Variants in TMEM245 observed in about 807,000 individuals in gnomAD.
The protein encoded by TMEM245 is transmembrane protein 245.
In TMEM245, 69 loss-of-function variants were observed where a neutral mutation model predicts 101.2. The ratio of observed to expected loss-of-function variants is 0.68; its 90% CI spans 0.56 to 0.83. The LOEUF is 0.83. Ranked by LOEUF, TMEM245 falls within the 40% of genes least tolerant of loss-of-function variation. The pLI, the probability that TMEM245 is intolerant of heterozygous loss-of-function variation, is 0.00. For synonymous variants in TMEM245, 537 were observed against 449.8 expected (o/e 1.19, Z -2.45); for missense variants, 1,075 against 1,092.8 (o/e 0.98, Z 0.23).
At chr9:109,065,027 C>A (rs1168692553) in intron 9 of TMEM245, among the ~76,000 whole-genome samples, 1 of 152,144 alleles carries the variant, frequency 6.6e-6, no homozygotes, top group African/African-American at 2.4e-5. Flanking sequence ...CTCAAGTGAT[C>A]CACCTGCCTC....
At chr9:109,104,044 C>A (rs1486608952) in intron 3 of TMEM245, among the ~76,000 whole-genome samples, 3 of 151,850 alleles carry the variant, frequency 2.0e-5, no homozygotes, top group Non-Finnish European at 4.4e-5. Context: ...GAGATCATGC[C>A]ACTGCACTCC....
chr9:109,119,396 A>G lies in TMEM245; in HGVS notation c.518T>C (p.Val173Ala), dbSNP rs1037810650. 3.3e-6 allele frequency: 5 copies of G among 1,528,570 alleles called. No individual in the cohort carries two copies. The African/African-American group carries it at 5.6e-5, about 17-fold the overall frequency. 94.7% of individuals were successfully genotyped at this position (1,528,570 alleles called of 1,614,324 possible). Residue 173 changes from valine (V) to alanine (A), a missense_variant, in exon 1 of 18, where the codon GTG (valine) becomes GCG (alanine). By Grantham distance (64) the Val-to-Ala change is moderately conservative. Coordinates refer to ENST00000374586, the MANE Select transcript of TMEM245 (RefSeq NM_032012.4). ...YCLGSYLGVQ[V>A]LLVHAATLIC... ...GAGCGTGGCAGCGTGCACCAGCAGC[A>G]CCTGCACGCCCAAGTAGCTGCCGAG...
chr9:109,033,405 T>G lies in TMEM245; in HGVS notation c.2496A>C (p.Ile832=), dbSNP rs1330044355. 1 of 1,614,106 alleles carries G rather than the reference T, an allele frequency of 6.2e-7. No homozygotes were observed. Among genetic ancestry groups the G allele is most frequent in the Admixed American group, 1.7e-5 (1 of 60,004 alleles). The part of the protein sequence containing the change: ...GAIIGPILLC[I]LVVASNIYSA... ...TATAGATATTGGAAGCAACCACAAG[T>G]ATGCAGAGAAGAATAGGACCGATGA... Residue 832 remains isoleucine (I), a synonymous_variant, in exon 17 of 18, where the codon ATA becomes ATC. Coordinates refer to ENST00000374586, the MANE Select transcript of TMEM245 (RefSeq NM_032012.4).
At position 109,020,440 on chromosome 9, in the gene TMEM245, T is replaced by G; in HGVS notation, c.*20A>C. On this transcript the variant is annotated 3_prime_UTR_variant, in exon 18 of 18. Transcript: ENST00000374586. The stretch of plus-strand genomic sequence containing the variant: ...GTCAAATTTGAACTTCCTAGAAAAA[T>G]CACTGCAGAGGAAACCACATCAACC... The G allele has an allele frequency of 1.2e-6, 2 of 1,613,254 alleles. No individual in the cohort carries two copies. The highest frequency in any genetic ancestry group is 1.7e-6 in the Non-Finnish European group (2 of 1,179,248).
chr9:109,073,844 CTTTTTTTTTTTG>C (rs1409638453), intron 8 of TMEM245, among the ~76,000 whole-genome samples: 2 of 121,570 alleles, frequency 1.6e-5, no homozygotes, highest in Non-Finnish European at 1.7e-5. Flanking sequence ...AAGGAACTAA[CTTTTTTTTTTTG>C]TTTTTTTTTT....
rs542799910 is a variant in TMEM245, at chr9:109,119,889, C to G, written c.25G>C (p.Asp9His). MADGGGPK[D>H]APSLRSSPGP... ...GGAGAGCTCCGCAGGCTTGGCGCGT[C>G]CTTAGGGCCGCCGCCGTCGGCCATC... The change falls in exon 1 of 18, where the codon GAC becomes CAC. Residue 9 changes from aspartate (D) to histidine (H), a missense_variant. Asp to His is a moderately conservative substitution (Grantham distance 81). Around this residue, in one of 2 missense-constraint regions of TMEM245, gnomAD observed 808 missense variants for 741.5 expected, o/e 1.09. Coordinates refer to ENST00000374586, the MANE Select transcript of TMEM245 (RefSeq NM_032012.4). 2 of 1,274,350 alleles carry G rather than the reference C, an allele frequency of 1.6e-6. No homozygotes were observed. 78.9% of individuals were successfully genotyped at this position (1,274,350 alleles called of 1,614,324 possible).
chr9:109,087,897 G>A lies in TMEM245; in HGVS notation c.1151-555C>T, dbSNP rs140236956. Among the ~76,000 whole-genome samples, 474 of 152,316 alleles carry A rather than the reference G, an allele frequency of 3.1e-3. 1 individual carries two copies. The highest frequency in any genetic ancestry group is 0.011 in the African/African-American group (455 of 41,560). On this transcript the variant is annotated intron_variant, in intron 5 of 17. Coordinates refer to ENST00000374586, the MANE Select transcript of TMEM245 (RefSeq NM_032012.4). ...GCTCTCAACATCTGAACAGATGCCAGGGTTCAGTAGAGAAGCAAGCTGAAT... is the reference window on the plus strand; with the variant it reads ...GCTCTCAACATCTGAACAGATGCCAAGGTTCAGTAGAGAAGCAAGCTGAAT...
chr9:109,052,494 C>T (rs1828716183), intron 12 of TMEM245, among the ~76,000 whole-genome samples: 1 of 152,184 alleles, frequency 6.6e-6, no homozygotes, highest in Admixed American at 6.5e-5. Context: ...TATGAAAAGT[C>T]TTCTCCATTC....
At chr9:109,052,655 T>C (rs563973630) in intron 12 of TMEM245, among the ~76,000 whole-genome samples, 5 of 152,338 alleles carry the variant, frequency 3.3e-5, no homozygotes, top group African/African-American at 1.2e-4. Context: ...TGCTTCACAA[T>C]GCCTACAAAA....
chr9:109,062,719 A>G lies in TMEM245; in HGVS notation c.1623+1758T>C, dbSNP rs555822058. The stretch of plus-strand genomic sequence containing the variant: ...GCATCGTGGCTCATGCCTTGTAATC[A>G]TAGCACTTTGGGAGGCCATGGTGGA... On this transcript the variant is annotated intron_variant, in intron 10 of 17. Transcript: ENST00000374586. Among the ~76,000 whole-genome samples the G allele has an allele frequency of 1.0e-3, 154 of 152,322 alleles. 5 individuals carry two copies. In the South Asian group the frequency reaches 0.031, roughly 31 times the overall value.
At chr9:109,118,279 A>C (rs1830783462) in intron 1 of TMEM245, among the ~76,000 whole-genome samples, 2 of 152,246 alleles carry the variant, frequency 1.3e-5, no homozygotes, top group African/African-American at 4.8e-5. Context: ...CAATAACCTC[A>C]GGCAAGCCAA....
chr9:109,046,523 A>C (rs533938938), intron 14 of TMEM245, among the ~76,000 whole-genome samples: 1 of 152,350 alleles, frequency 6.6e-6, no homozygotes, highest in South Asian at 2.1e-4. Context: ...TGAGATAGTG[A>C]TCATAAAGAA....
intron 8 of TMEM245, among the ~76,000 whole-genome samples, chr9:109,075,031 T>C (rs528890106): frequency 2.7e-4 from 41 of 152,276 alleles, no homozygotes; most frequent in Non-Finnish European, 5.1e-4. Flanking sequence ...ATAATCTTAC[T>C]TAGATGTTTA....
intron 16 of TMEM245, among the ~76,000 whole-genome samples, chr9:109,035,156 CAAAAAAA>C (rs778574292): frequency 1.9e-5 from 1 of 51,324 alleles, no homozygotes; most frequent in African/African-American, 7.1e-5. Context: ...GACTCTGTCT[CAAAAAAA>C]AAAAAAAAAA....
intron 10 of TMEM245, among the ~76,000 whole-genome samples, 193 bp downstream of exon 10, chr9:109,064,284 T>A (rs1829098933): frequency 6.6e-6 from 1 of 152,198 alleles, no homozygotes; most frequent in African/African-American, 2.4e-5. Flanking sequence ...ATGACCAACC[T>A]CTCAGATTGT....
In TMEM245 at chr9:109,038,096, G is replaced by A; in HGVS notation, c.2145C>T (p.Leu715=). 6.2e-7 allele frequency: 1 copy of A among 1,613,204 alleles called. No individual in the cohort carries two copies. The highest frequency in any genetic ancestry group is 1.7e-5 in the Admixed American group (1 of 59,834). Residue 715 remains leucine, a synonymous_variant, in exon 15 of 18, where the codon CTC becomes CTT. Coordinates refer to ENST00000374586, the MANE Select transcript of TMEM245 (RefSeq NM_032012.4). ...ACAATCCATAGAAGCCAGCCATTTT[G>A]AGGGAAGCATCAAACACCCCTCTGG... ...EAIRGVFDAS[L]KMAGFYGLYT... is the part of the protein sequence containing the mutation.
intron 1 of TMEM245, among the ~76,000 whole-genome samples, chr9:109,117,988 T>C (rs1830773636): frequency 1.3e-5 from 2 of 152,246 alleles, no homozygotes; most frequent in African/African-American, 2.4e-5. Context: ...AACCACAGAT[T>C]TGCTCATGAG....
At chr9:109,055,850 T>A (rs1828817422) in intron 12 of TMEM245, among the ~76,000 whole-genome samples, 1 of 152,072 alleles carries the variant, frequency 6.6e-6, no homozygotes, top group African/African-American at 2.4e-5. Context: ...GTTAGGCTGA[T>A]CTCAAACTCC....
At chr9:109,112,530 A>C (rs1830593268) in intron 1 of TMEM245, among the ~76,000 whole-genome samples, 1 of 149,060 alleles carries the variant, frequency 6.7e-6, no homozygotes, top group African/African-American at 2.5e-5. Context: ...AGCAAGAGCA[A>C]AACTCCATCT....
Sources: allele counts gnomAD v4.1 joint callset (sites outside exome capture counted in the v4.1 genomes callset), GRCh38; gene constraint gnomAD v4.1.1; regional missense constraint gnomAD v4.1.1; transcripts MANE v1.5; gene names NCBI Gene and HGNC (gene_info 2026-07-23, HGNC 2026-07-21).